FBN2: variants seen among roughly 807,000 people sequenced by gnomAD.
FBN2 encodes the protein fibrillin 2.
A neutral mutation model predicts 355.6 loss-of-function variants in FBN2; 105 were observed. The observed-to-expected ratio is 0.30, with a 90% CI of 0.25 to 0.35. The LOEUF is 0.35. Ranked by LOEUF, FBN2 falls within the 10% of genes least tolerant of loss-of-function variation. The pLI is 1.00. For missense variants in FBN2, 3,280 were observed against 3,758.7 expected, an observed-to-expected ratio of 0.87 and a Z score of 3.33; for synonymous variants, 1,350 against 1,301.2, an observed-to-expected ratio of 1.04 and a Z score of -0.81.
At chr5:128,347,591 T>C (rs550241514) in intron 23 of FBN2, among the ~76,000 whole-genome samples, 1 of 152,180 alleles carries the variant, frequency 6.6e-6, no homozygotes, top group African/African-American at 2.4e-5. Flanking sequence ...TCAGATGAGG[T>C]TCTATCAGAG....
chr5:128,466,376 A>T (rs1754710274), intron 5 of FBN2, among the ~76,000 whole-genome samples: 1 of 152,236 alleles, frequency 6.6e-6, no homozygotes, highest in Non-Finnish European at 1.5e-5. Flanking sequence ...TTTAATTCAT[A>T]GTTTTATGAG....
At chr5:128,536,533 C>G in intron 1 of FBN2, 49 bp from the exon 2 acceptor site, 2 of 1,370,646 alleles carry the variant, frequency 1.5e-6, no homozygotes, top group Admixed American at 3.5e-5. Flanking sequence ...AGGGATGCAG[C>G]AACATATAAA....
intron 48 of FBN2, among the ~76,000 whole-genome samples, chr5:128,297,515 G>T (rs1749558730): frequency 2.0e-5 from 3 of 152,132 alleles, no homozygotes; most frequent in Non-Finnish European, 4.4e-5. Context: ...ATGAATCTGG[G>T]TGCTCCTGTA....
chr5:128,364,832 AAACTCAC>A, intron 17 of FBN2, 107 bp from the exon 18 acceptor site: 1 of 951,946 alleles, frequency 1.1e-6, no homozygotes, highest in Non-Finnish European at 1.7e-6. Context: ...TTAACTCTGC[AAACTCAC>A]AATTTGCCTG....
chr5:128,287,395 C>T lies in FBN2; in HGVS notation c.6793G>A (p.Ala2265Thr). ...CCAAAAGTGTTCATGCAGCGGAAAG[C>T]ACACAGCAGTGGGTTCTGGGCACAT... is the stretch of plus-strand genomic sequence containing the variant. Reference protein sequence around the residue: ...NECAQNPLLCAFRCMNTFGSY... With the variant: ...NECAQNPLLCTFRCMNTFGSY... Residue 2265 changes from alanine to threonine, a missense_variant, in exon 54 of 65, where the codon GCT (alanine) becomes ACT (threonine). Physicochemically the swap from Ala to Thr is moderately conservative, Grantham distance 58. Around this residue, in one of 6 missense-constraint regions of FBN2, gnomAD observed 2,284 missense variants for 2,749.5 expected, o/e 0.83. Transcript: ENST00000262464. The T allele has an allele frequency of 6.2e-7, 1 of 1,614,014 alleles. No homozygotes were observed. Among genetic ancestry groups the T allele is most frequent in the Non-Finnish European group, 8.5e-7 (1 of 1,179,912 alleles).
At chr5:128,352,875 G>A (rs1288064344) in intron 20 of FBN2, among the ~76,000 whole-genome samples, 1 of 152,128 alleles carries the variant, frequency 6.6e-6, no homozygotes, top group Non-Finnish European at 1.5e-5. Context: ...AATATGTACA[G>A]ATAAAATTTA....
intron 45 of FBN2, 104 bp from the exon 46 acceptor site, chr5:128,303,193 A>G (rs376040697): frequency 3.1e-5 from 23 of 744,450 alleles, no homozygotes; most frequent in East Asian, 7.6e-5. Flanking sequence ...GATTTTCCTC[A>G]TTCAGTACTA....
intron 5 of FBN2, among the ~76,000 whole-genome samples, chr5:128,513,186 G>C (rs1282840669): frequency 6.6e-6 from 1 of 152,152 alleles, no homozygotes; most frequent in African/African-American, 2.4e-5. Flanking sequence ...GTCCACAACT[G>C]TTTATCTGAA....
chr5:128,529,472 G>C (rs1756649546), intron 3 of FBN2, among the ~76,000 whole-genome samples: 2 of 152,180 alleles, frequency 1.3e-5, no homozygotes, highest in South Asian at 4.1e-4. Context: ...GATTGGGAGG[G>C]TTAGAAAAGT....
chr5:128,271,960 G>C (rs1203121492), intron 62 of FBN2, 39 bp downstream of exon 62: 2 of 1,611,076 alleles, frequency 1.2e-6, no homozygotes, highest in Middle Eastern at 1.7e-4. Context: ...ACACTTTCAG[G>C]TGAGAAAAGC....
intron 25 of FBN2, 42 bp from the exon 26 acceptor site, chr5:128,339,103 A>G: frequency 6.2e-7 from 1 of 1,608,980 alleles, no homozygotes; most frequent in South Asian, 1.1e-5. Flanking sequence ...ATTGAATGAG[A>G]TAGACTTGGC....
At position 128,291,553 on chromosome 5, in the gene FBN2, A is replaced by G; in HGVS notation, c.6268T>C (p.Ser2090Pro). The change falls in exon 49 of 65, where the codon TCT becomes CCT. Residue 2090 changes from serine (S) to proline (P), a missense_variant. Ser to Pro is a moderately conservative substitution (Grantham distance 74). This residue lies in a region of FBN2 where 2,284 missense variants were observed against 2,749.5 expected (regional missense o/e 0.83). Coordinates refer to ENST00000262464, the MANE Select transcript of FBN2 (RefSeq NM_001999.4). ...QCLCPPGFVL[S>P]DNGRRCFDTR... ...CCAAAGCATCTCCGTCCATTATCAG[A>G]TAGTACAAAGCCAGGGGGGCAGAGG... 2 of 1,614,038 alleles carry G rather than the reference A, an allele frequency of 1.2e-6. No individual in the cohort carries two copies. The highest frequency in any genetic ancestry group is 2.2e-5 in the South Asian group (2 of 91,082).
chr5:128,370,001 G>A (rs558674749), intron 15 of FBN2, among the ~76,000 whole-genome samples: 42 of 152,282 alleles, frequency 2.8e-4, no homozygotes, highest in Admixed American at 7.2e-4. Flanking sequence ...TTATAGATGA[G>A]GAAGATGAGG....
At chr5:128,307,564 CA>C (rs1749918561) in intron 41 of FBN2, among the ~76,000 whole-genome samples, 1 of 150,156 alleles carries the variant, frequency 6.7e-6, no homozygotes, top group South Asian at 2.1e-4. Flanking sequence ...AAGAGAAGTA[CA>C]AATTGAAAAA....
chr5:128,313,568 A>T (rs1750116904), intron 36 of FBN2, among the ~76,000 whole-genome samples: 1 of 152,108 alleles, frequency 6.6e-6, no homozygotes. Context: ...AAGCTTTGAC[A>T]TCATTTTTGA....
At chr5:128,328,360 A>AAGTAATG (rs1342175721) in intron 34 of FBN2, 4 of 557,476 alleles carry the variant, frequency 7.2e-6, no homozygotes, top group African/African-American at 1.9e-5. Context: ...TAGTTGAGAC[A>AAGTAATG]AGTAATGGAG....
At chr5:128,269,651 T>TA (rs1765214832) in intron 62 of FBN2, among the ~76,000 whole-genome samples, 2 of 151,842 alleles carry the variant, frequency 1.3e-5, no homozygotes, top group African/African-American at 4.8e-5. Flanking sequence ...GAGAATAAAA[T>TA]ACGTAAGAAT....
chr5:128,274,059 TA>T, intron 60 of FBN2, 91 bp from the exon 61 acceptor site: 1 of 1,466,468 alleles, frequency 6.8e-7, no homozygotes, highest in Non-Finnish European at 9.5e-7. Flanking sequence ...TATGAAAACC[TA>T]AGTTTCATGA....
At chr5:128,407,996 C>G in intron 8 of FBN2, among the ~76,000 whole-genome samples, 1 of 152,286 alleles carries the variant, frequency 6.6e-6, no homozygotes, top group Non-Finnish European at 1.5e-5. Context: ...GTAAAGATAA[C>G]AGTGCCTCTT....
Sources: allele counts gnomAD v4.1 joint callset (sites outside exome capture counted in the v4.1 genomes callset), GRCh38; gene constraint gnomAD v4.1.1; regional missense constraint gnomAD v4.1.1; transcripts MANE v1.5; gene names NCBI Gene and HGNC (gene_info 2026-07-23, HGNC 2026-07-21).